COG6: variants seen among roughly 807,000 people sequenced by gnomAD.
The protein encoded by COG6 is conserved oligomeric Golgi complex subunit 6.
Under a neutral mutation model 88.8 loss-of-function variants are expected in COG6, and 74 were observed. The ratio of observed to expected loss-of-function variants is 0.83; its 90% CI spans 0.69 to 1.01. The LOEUF (loss-of-function observed/expected upper bound fraction) is 1.01. COG6 is among the 50% of genes least tolerant of loss of function. The pLI is 0.00. For missense variants in COG6, 800 were observed against 797.9 expected (o/e 1.00, Z -0.03); for synonymous variants, 286 against 278.7 (o/e 1.03, Z -0.26).
At chr13:39,706,864 A>C (rs573238783) in intron 13 of COG6, among the ~76,000 whole-genome samples, 56 of 151,974 alleles carry the variant, frequency 3.7e-4, no homozygotes, top group Non-Finnish European at 7.4e-4. Flanking sequence ...TTGTATTTTT[A>C]GTAGAGACAG....
At chr13:39,744,332 C>T (rs1040469655) in intron 18 of COG6, among the ~76,000 whole-genome samples, 7 of 152,172 alleles carry the variant, frequency 4.6e-5, no homozygotes, top group African/African-American at 1.4e-4. Flanking sequence ...TTGCAGATGA[C>T]ATGATTGCAT....
downstream of COG6, chr13:39,752,765 T>TG (rs1425400249): frequency 2.7e-6 from 2 of 735,678 alleles, no homozygotes; most frequent in Non-Finnish European, 3.5e-6. Context: ...AGGAAAAATG[T>TG]GGTATATATG....
chr13:39,775,106 G>A (rs532787973), intron 18 of COG6, among the ~76,000 whole-genome samples: 12 of 152,300 alleles, frequency 7.9e-5, no homozygotes, highest in Admixed American at 3.3e-4. Context: ...CTGGGAGGCC[G>A]TCAGGCATCA....
At chr13:39,746,020 G>A (rs1443474210) in intron 18 of COG6, among the ~76,000 whole-genome samples, 2 of 152,052 alleles carry the variant, frequency 1.3e-5, no homozygotes, top group Non-Finnish European at 1.5e-5. Flanking sequence ...ACTCATAGGT[G>A]GGAACTGAAC....
chr13:39,672,038 A>ACATAAC (rs1875678157), intron 4 of COG6, among the ~76,000 whole-genome samples: 1 of 152,012 alleles, frequency 6.6e-6, no homozygotes, highest in Non-Finnish European at 1.5e-5. Context: ...GAATATGTCT[A>ACATAAC]CATGGTTACT....
rs745567078 is a variant in COG6, at chr13:39,719,729, GA to G, written c.1487del (p.Asp496AlafsTer12). On this transcript the variant is annotated frameshift_variant, in exon 15 of 19. Transcript: ENST00000455146. LOFTEE classifies it high-confidence loss of function. ...ATCAGCCAGCAATTTAGGCACAGCT[GA>G]CATGGCCACTTTCATGGTCAATTCA... ...TVSASNLGTA[D>X]MATFMVNSLY... The G allele has an allele frequency of 9.9e-6, 16 of 1,612,546 alleles. No homozygotes were observed. In the South Asian group the frequency reaches 1.8e-4, roughly 18 times the overall value.
intron 18 of COG6, among the ~76,000 whole-genome samples, chr13:39,738,373 T>G (rs967775129): frequency 6.6e-6 from 1 of 152,118 alleles, no homozygotes; most frequent in African/African-American, 2.4e-5. Flanking sequence ...TGATTGGAGG[T>G]AGACTGTAAA....
At chr13:39,688,192 C>T (rs1876777729) in intron 10 of COG6, among the ~76,000 whole-genome samples, 1 of 152,174 alleles carries the variant, frequency 6.6e-6, no homozygotes, top group South Asian at 2.1e-4. Flanking sequence ...TGTTTTAGGT[C>T]TTTAAGCTAC....
intron 13 of COG6, among the ~76,000 whole-genome samples, chr13:39,700,395 T>C (rs1374233239): frequency 6.6e-6 from 1 of 151,876 alleles, no homozygotes; most frequent in Non-Finnish European, 1.5e-5. Context: ...TTCACTTTCC[T>C]AAGCCTTAAT....
intron 18 of COG6, 139 bp from the exon 19 acceptor site, chr13:39,750,807 A>G (rs1880580661): frequency 3.0e-6 from 2 of 677,638 alleles, no homozygotes; most frequent in Admixed American, 2.2e-5. Context: ...CTGTGTAGCC[A>G]TATAGTGATT....
chr13:39,682,687 A>G (rs1593422079), intron 8 of COG6, among the ~76,000 whole-genome samples: 1 of 152,238 alleles, frequency 6.6e-6, no homozygotes, highest in Non-Finnish European at 1.5e-5. Context: ...TGTTAATAGG[A>G]TTTAGGAGGA....
intron 18 of COG6, among the ~76,000 whole-genome samples, chr13:39,731,292 T>A (rs1181466072): frequency 6.6e-6 from 1 of 152,178 alleles, no homozygotes; most frequent in Non-Finnish European, 1.5e-5. Context: ...GAGATTTTGA[T>A]TTAGCACTTC....
At chr13:39,728,091 GTC>G (rs1330047041) in intron 18 of COG6, among the ~76,000 whole-genome samples, 1 of 151,998 alleles carries the variant, frequency 6.6e-6, no homozygotes, top group African/African-American at 2.4e-5. Context: ...TGGCAAAATT[GTC>G]TATAGGTAAG....
At chr13:39,693,621 T>A (rs1337053230) in intron 11 of COG6, among the ~76,000 whole-genome samples, 2 of 152,042 alleles carry the variant, frequency 1.3e-5, no homozygotes, top group East Asian at 3.8e-4. Context: ...TGGTATTGTG[T>A]TAATTAGATA....
At chr13:39,738,675 A>C (rs1879892885) in intron 18 of COG6, among the ~76,000 whole-genome samples, 1 of 152,278 alleles carries the variant, frequency 6.6e-6, no homozygotes, top group Middle Eastern at 3.4e-3. Context: ...TTAAATATAA[A>C]GGTGGAGATA....
At chr13:39,694,448 T>A (rs1355156871) in intron 11 of COG6, among the ~76,000 whole-genome samples, 186 bp from the exon 12 acceptor site, 2 of 151,932 alleles carry the variant, frequency 1.3e-5, no homozygotes, top group Admixed American at 1.3e-4. Flanking sequence ...AGAGTATATC[T>A]CTGTTAAAAT....
Position 39,750,189 on chromosome 13 carries a change from A to G in COG6, c.1827-757A>G, listed in dbSNP as rs539375036. ...CATGGCCAGTACCATGAGTACCATG[A>G]GAACCATGAGTACCGTTAGTACCAT... On this transcript the variant is annotated intron_variant, in intron 18 of 18. Coordinates refer to ENST00000455146, the MANE Select transcript of COG6 (RefSeq NM_020751.3). Among the ~76,000 whole-genome samples the G allele has an allele frequency of 2.2e-4, 34 of 152,200 alleles. 1 individual carries two copies. The highest frequency in any genetic ancestry group is 2.1e-4 in the South Asian group (1 of 4,832).
intron 18 of COG6, among the ~76,000 whole-genome samples, chr13:39,779,197 A>G (rs950609828): frequency 6.6e-6 from 1 of 152,164 alleles, no homozygotes; most frequent in African/African-American, 2.4e-5. Context: ...AGGATAAAAT[A>G]AATCAATGTA....
chr13:39,705,427 T>G (rs1399008032), intron 13 of COG6, among the ~76,000 whole-genome samples: 2 of 152,082 alleles, frequency 1.3e-5, no homozygotes, highest in African/African-American at 4.8e-5. Context: ...CTTATCAAGC[T>G]CTCCTGAAAT....
Sources: gnomAD v4.1 joint callset for allele counts (sites outside exome capture counted in the v4.1 genomes callset) on GRCh38, gnomAD v4.1.1 for gene constraint, MANE v1.5 for transcripts, NCBI Gene and HGNC (gene_info 2026-07-23, HGNC 2026-07-21) for gene names.